Variants in RGS12 observed in about 807,000 individuals in gnomAD.
The protein encoded by RGS12 is regulator of G-protein signaling 12.
RGS12 carries 66 observed loss-of-function variants against 120.1 expected under a neutral mutation model. The observed-to-expected ratio is 0.55, with a 90% CI of 0.45 to 0.67. The LOEUF is 0.67. RGS12 is among the 30% of genes least tolerant of loss of function. The pLI is 0.00. For missense variants in RGS12, 1,859 were observed against 1,957.7 expected, an observed-to-expected ratio of 0.95 and a Z score of 0.95; for synonymous variants, 827 against 804.7, an observed-to-expected ratio of 1.03 and a Z score of -0.47.
At position 3,317,684 on chromosome 4, in the gene RGS12, C is replaced by G. The variant is rs1724880018; in HGVS notation, c.1514C>G (p.Ala505Gly). 1 of 1,610,552 alleles carries G rather than the reference C, an allele frequency of 6.2e-7. No homozygotes were observed. The highest frequency in any genetic ancestry group is 8.5e-7 in the Non-Finnish European group (1 of 1,178,024). ...FWDLNKHLGP[A>G]SPVEVPPASL... is the part of the protein sequence containing the mutation. The stretch of plus-strand genomic sequence containing the variant: ...GACCTAAACAAGCACCTAGGGCCAG[C>G]CTCTCCTGTGGAGGTGCCCCCAGCT... Residue 505 changes from alanine (A) to glycine (G), a missense_variant, in exon 2 of 18, where the codon GCC (alanine) becomes GGC (glycine). Coordinates refer to ENST00000336727, the MANE Select transcript of RGS12 (RefSeq NM_001394154.1).
At chr4:3,309,457 G>A (rs1217842205) in intron 1 of RGS12, among the ~76,000 whole-genome samples, 46 of 139,598 alleles carry the variant, frequency 3.3e-4, no homozygotes, top group Admixed American at 5.7e-4. Flanking sequence ...CCCAGGAATG[G>A]CAGGTGTCCG....
intron 4 of RGS12, 63 bp downstream of exon 4, chr4:3,386,500 T>C: frequency 6.9e-7 from 1 of 1,445,458 alleles, no homozygotes. Flanking sequence ...ATTGTGAAAG[T>C]GTATTTGCCA....
intron 3 of RGS12, among the ~76,000 whole-genome samples, chr4:3,360,836 A>G (rs927757598): frequency 6.6e-6 from 1 of 152,210 alleles, no homozygotes; most frequent in African/African-American, 2.4e-5. Flanking sequence ...CACGTCCATG[A>G]GAATGACAAA....
At chr4:3,322,588 T>C (rs1242260895) in intron 2 of RGS12, among the ~76,000 whole-genome samples, 2 of 152,146 alleles carry the variant, frequency 1.3e-5, no homozygotes, top group Non-Finnish European at 2.9e-5. Context: ...GTTATATTAA[T>C]TAATTAAATT....
intron 1 of RGS12, among the ~76,000 whole-genome samples, chr4:3,308,082 G>A (rs951321869): frequency 6.6e-6 from 1 of 152,242 alleles, no homozygotes; most frequent in African/African-American, 2.4e-5. Flanking sequence ...ATGCGGTCAG[G>A]TGTGCGGGCA....
At chr4:3,318,163 C>CTGTGGCCT in intron 2 of RGS12, 112 bp downstream of exon 2, 1 of 949,118 alleles carries the variant, frequency 1.1e-6, no homozygotes, top group East Asian at 2.5e-5. Context: ...TCCTGCTGGC[C>CTGTGGCCT]CTGTGGCCTC....
intron 3 of RGS12, among the ~76,000 whole-genome samples, chr4:3,347,708 A>G (rs968798069): frequency 2.0e-5 from 3 of 152,234 alleles, no homozygotes; most frequent in East Asian, 3.8e-4. Context: ...AGTCTTTTCC[A>G]TGAATCTGAT....
rs772854591 is a variant in RGS12, at chr4:3,366,968, C to T, written c.1999-19448C>T. 2.0e-5 allele frequency among the ~76,000 whole-genome samples: 3 copies of T among 152,228 alleles called. No individual in the cohort carries two copies. Among genetic ancestry groups the T allele is most frequent in the African/African-American group, 2.4e-5 (1 of 41,470 alleles). On this transcript the variant is annotated intron_variant, in intron 3 of 17. Transcript: ENST00000336727. This position sits in a 1 kb window ranked among gnomAD's most constrained non-coding sequence, Gnocchi z 4.0. Reference sequence around the variant, plus strand: ...ACCTCTGCCCGGCTCAGCTCCTCCCCGCCCAGAATGCCCTCTGCCCCGCCA... The same window carrying T: ...ACCTCTGCCCGGCTCAGCTCCTCCCTGCCCAGAATGCCCTCTGCCCCGCCA...
At chr4:3,294,628 A>G (rs1723261102) in intron 1 of RGS12, among the ~76,000 whole-genome samples, 1 of 152,082 alleles carries the variant, frequency 6.6e-6, no homozygotes, top group Non-Finnish European at 1.5e-5. Flanking sequence ...GCAGGGGCTC[A>G]GGCAAGGGCA....
intron 3 of RGS12, among the ~76,000 whole-genome samples, chr4:3,360,772 G>A (rs1715477210): frequency 6.6e-6 from 1 of 152,150 alleles, no homozygotes; most frequent in African/African-American, 2.4e-5. Flanking sequence ...TAGAAAGAAG[G>A]GCGAGAGGAC....
chr4:3,316,140 G>A lies in RGS12; in HGVS notation c.-31G>A, dbSNP rs1243388791. On this transcript the variant is annotated 5_prime_UTR_variant, in exon 2 of 18. Coordinates refer to ENST00000336727, the MANE Select transcript of RGS12 (RefSeq NM_001394154.1). ...AAATATGGCTCCAAGGGAACAATGA[G>A]ACGTGCTCTTGGTCTTGGAAGCTCA... 7.9e-6 allele frequency: 12 copies of A among 1,516,954 alleles called. No individual in the cohort carries two copies. Among genetic ancestry groups the A allele is most frequent in the Non-Finnish European group, 1.1e-5 (12 of 1,132,684 alleles). 94.0% of individuals were successfully genotyped at this position (1,516,954 alleles called of 1,614,324 possible). A position where few individuals can be genotyped will look rare whatever the true frequency, so the allele number is the denominator to read the frequency against.
intron 4 of RGS12, among the ~76,000 whole-genome samples, chr4:3,394,590 T>C (rs1719861227): frequency 6.6e-6 from 1 of 152,244 alleles, no homozygotes; most frequent in South Asian, 2.1e-4. Flanking sequence ...TCTATTCTGC[T>C]CACATTTCGT....
intron 3 of RGS12, among the ~76,000 whole-genome samples, chr4:3,350,089 A>G (rs1468675233): frequency 6.6e-6 from 1 of 152,370 alleles, no homozygotes; most frequent in Non-Finnish European, 1.5e-5. Context: ...TGTATAGCCT[A>G]TGAGTATCAG....
In RGS12 at chr4:3,402,461, C is replaced by T. The variant is rs73077188; in HGVS notation, c.2021-11611C>T. Among the ~76,000 whole-genome samples the T allele has an allele frequency of 4.5e-3, 689 of 152,292 alleles. 3 individuals are homozygous for T. The highest frequency in any genetic ancestry group is 0.016 in the African/African-American group (660 of 41,566). On this transcript the variant is annotated intron_variant, in intron 4 of 17. Transcript: ENST00000336727. Reference sequence around the variant, plus strand: ...GCCTCAGTCCTGCTGGGTAGGGTGCCCTTTCGTCCTCTCTATCCCTGGACT... The same window carrying T: ...GCCTCAGTCCTGCTGGGTAGGGTGCTCTTTCGTCCTCTCTATCCCTGGACT...
chr4:3,309,091 TG>T, intron 1 of RGS12, among the ~76,000 whole-genome samples: 1 of 119,200 alleles, frequency 8.4e-6, no homozygotes, highest in African/African-American at 3.4e-5. Context: ...GAATGGCAGG[TG>T]TCTGCTGAGG....
chr4:3,424,042 T>C (rs1723338916), intron 13 of RGS12, among the ~76,000 whole-genome samples: 1 of 152,264 alleles, frequency 6.6e-6, no homozygotes, highest in Non-Finnish European at 1.5e-5. Context: ...CACGGTCACA[T>C]GGAGATGTCC....
intron 1 of RGS12, among the ~76,000 whole-genome samples, chr4:3,308,549 T>C (rs994966741): frequency 1.3e-5 from 2 of 152,208 alleles, no homozygotes; most frequent in African/African-American, 4.8e-5. Flanking sequence ...TGCTGCGTGC[T>C]CTGGGTGGCC....
intron 1 of RGS12, among the ~76,000 whole-genome samples, chr4:3,308,545 G>A (rs764824265): frequency 2.6e-5 from 4 of 152,198 alleles, no homozygotes; most frequent in South Asian, 2.1e-4. Flanking sequence ...GTGGTGCTGC[G>A]TGCTCTGGGT....
chr4:3,322,134 C>T (rs1034693522), intron 2 of RGS12, among the ~76,000 whole-genome samples: 2 of 152,212 alleles, frequency 1.3e-5, no homozygotes, highest in Non-Finnish European at 2.9e-5. Flanking sequence ...GCCTGGGGAC[C>T]AGCGAGCCAG....
Sources: gnomAD v4.1 joint callset for allele counts (sites outside exome capture counted in the v4.1 genomes callset) on GRCh38, gnomAD v4.1.1 for gene constraint, Gnocchi (gnomAD v3.1) non-coding constraint, MANE v1.5 for transcripts, NCBI Gene and HGNC (gene_info 2026-07-23, HGNC 2026-07-21) for gene names.